The following RIMKLB variants were observed in gnomAD, a reference collection of about 807,000 sequenced individuals.
The protein encoded by RIMKLB is beta-citrylglutamate synthase B.
A neutral mutation model predicts 32.0 loss-of-function variants in RIMKLB; 7 were observed. The ratio of observed to expected loss-of-function variants is 0.22; its 90% CI spans 0.12 to 0.41. The LOEUF (loss-of-function observed/expected upper bound fraction) is 0.41. Among genes scored for constraint, RIMKLB ranks in the 10% least tolerant of loss-of-function variants. RIMKLB has a pLI of 1.00. For synonymous variants in RIMKLB, 172 were observed against 185.1 expected, an observed-to-expected ratio of 0.93 and a Z score of 0.57; for missense variants, 289 against 498.7, an observed-to-expected ratio of 0.58 and a Z score of 4.00.
intron 2 of RIMKLB, among the ~76,000 whole-genome samples, chr12:8,738,418 A>C (rs960261664): frequency 1.3e-5 from 2 of 152,194 alleles, no homozygotes; most frequent in African/African-American, 4.8e-5. Context: ...TTCTTCATAA[A>C]AAGTTGATGT....
chr12:8,741,768 A>G (rs1356356508), intron 2 of RIMKLB, among the ~76,000 whole-genome samples: 1 of 151,890 alleles, frequency 6.6e-6, no homozygotes, highest in East Asian at 1.9e-4. Flanking sequence ...CGACAGAGCA[A>G]GACCAAAACT....
chr12:8,678,291 CA>C (rs1264995401), upstream of RIMKLB, among the ~76,000 whole-genome samples: 3 of 151,770 alleles, frequency 2.0e-5, no homozygotes, highest in Non-Finnish European at 4.4e-5. Flanking sequence ...GCTAGGATTA[CA>C]AGTGTGAGCC....
At chr12:8,683,225 T>C (rs1942466612) in intron 1 of RIMKLB, among the ~76,000 whole-genome samples, 1 of 152,230 alleles carries the variant, frequency 6.6e-6, no homozygotes, top group Non-Finnish European at 1.5e-5. Context: ...TAAACATTCA[T>C]GTGCAGGTTT....
At chr12:8,746,235 G>A (rs1948075406) in intron 2 of RIMKLB, among the ~76,000 whole-genome samples, 1 of 151,128 alleles carries the variant, frequency 6.6e-6, no homozygotes, top group African/African-American at 2.5e-5. Flanking sequence ...CCTCAAACTG[G>A]CGCCGAGGTT....
chr12:8,744,394 A>G (rs1947881137), intron 2 of RIMKLB, among the ~76,000 whole-genome samples: 1 of 151,886 alleles, frequency 6.6e-6, no homozygotes, highest in South Asian at 2.1e-4. Context: ...GGCTGTTTAT[A>G]CTGGAGAGTG....
chr12:8,775,312 T>G lies in RIMKLB; in HGVS notation c.*1528T>G, dbSNP rs1246713476. ...TAAGCCTTCAATACTGTCCACTCTT[T>G]ATATTCCTTTACTTGCAGAATTTAT... On this transcript the variant is annotated 3_prime_UTR_variant, in exon 6 of 6. Transcript: ENST00000535829. 1 of 985,340 alleles carries G rather than the reference T, an allele frequency of 1.0e-6. No homozygotes were observed. Among genetic ancestry groups the G allele is most frequent in the Non-Finnish European group, 1.2e-6 (1 of 829,892 alleles). The allele number at this position is 985,340 out of a possible 1,614,324, so 61.0% of individuals were successfully genotyped here.
chr12:8,710,998 C>T (rs912790231), intron 1 of RIMKLB, among the ~76,000 whole-genome samples: 3 of 151,084 alleles, frequency 2.0e-5, no homozygotes, highest in Admixed American at 1.3e-4. Flanking sequence ...AATTAGAGAC[C>T]GGGCCTGTTG....
rs561802606 is a variant in RIMKLB, at chr12:8,757,053, A to G, written c.697+2960A>G. On this transcript the variant is annotated intron_variant, in intron 5 of 5. Transcript: ENST00000535829. ...TCTTCATGTCTCATTTTAATTTTTCATTATAACACGTCCTGCTGACTAGCT... is the reference window on the plus strand; with the variant it reads ...TCTTCATGTCTCATTTTAATTTTTCGTTATAACACGTCCTGCTGACTAGCT... 1.1e-3 allele frequency among the ~76,000 whole-genome samples: 168 copies of G among 152,206 alleles called. 1 individual carries two copies. The highest frequency in any genetic ancestry group is 1.8e-3 in the Admixed American group (27 of 15,286).
chr12:8,776,940 C>T lies in RIMKLB; in HGVS notation c.*3156C>T, dbSNP rs1457411834. The T allele has an allele frequency of 2.0e-6, 2 of 985,780 alleles. No homozygotes were observed. The highest frequency in any genetic ancestry group is 2.4e-6 in the Non-Finnish European group (2 of 829,886). The allele number at this position is 985,780 out of a possible 1,614,324, so 61.1% of individuals were successfully genotyped here. A position where few individuals can be genotyped will look rare whatever the true frequency, so the allele number is the denominator to read the frequency against. ...CATTCAGTGAATCCCCAGTTTGGGG[C>T]TTGTGGGGCTTAGAGACATTGTGAA... On this transcript the variant is annotated 3_prime_UTR_variant, in exon 6 of 6. Coordinates refer to ENST00000535829, the MANE Select transcript of RIMKLB (RefSeq NM_001297776.2).
chr12:8,677,836 TCCACCTCCTGGGCTCAGGTGATCCTC>T (rs1039444756), upstream of RIMKLB, among the ~76,000 whole-genome samples: 15 of 150,958 alleles, frequency 9.9e-5, no homozygotes, highest in Non-Finnish European at 2.1e-4. Flanking sequence ...CACTGGAACC[TCCACCTCCTGGGCTCAGGTGATCCTC>T]CCACCTCAGC....
chr12:8,676,796 A>C (rs1942345718), upstream of RIMKLB, among the ~76,000 whole-genome samples: 1 of 152,056 alleles, frequency 6.6e-6, no homozygotes, highest in Non-Finnish European at 1.5e-5. Flanking sequence ...TCCCATAGGC[A>C]CCTTGAGTCA....
chr12:8,672,912 T>C, the RIMKLB span, among the ~76,000 whole-genome samples: 1 of 152,308 alleles, frequency 6.6e-6, no homozygotes, highest in South Asian at 2.1e-4. Flanking sequence ...CTCTTTTGTC[T>C]ATAAATTACC....
At chr12:8,678,678 T>A (rs1591584763), upstream of RIMKLB, 1 of 152,258 alleles carries the variant, frequency 6.6e-6, no homozygotes, top group Non-Finnish European at 1.5e-5. Context: ...TTTGAAAGAA[T>A]GCTCTGCAGA....
At chr12:8,773,300 C>T in intron 5 of RIMKLB, 21 bp from the exon 6 acceptor site, 1 of 1,526,476 alleles carries the variant, frequency 6.6e-7, no homozygotes, top group Non-Finnish European at 9.0e-7. Flanking sequence ...TGTTAATTTC[C>T]TGTCTTGTTT....
chr12:8,675,260 T>G, the RIMKLB span, among the ~76,000 whole-genome samples: 3 of 152,238 alleles, frequency 2.0e-5, no homozygotes, highest in Non-Finnish European at 4.4e-5. Flanking sequence ...TCTGAAACAT[T>G]AGTCATTGCT....
chr12:8,696,489 C>T (rs908293023), upstream of RIMKLB, among the ~76,000 whole-genome samples: 6 of 152,230 alleles, frequency 3.9e-5, no homozygotes, highest in African/African-American at 1.4e-4. Context: ...TTGAACAGCA[C>T]TTGATCTGTG....
chr12:8,767,802 C>T (rs1442776360), intron 5 of RIMKLB, among the ~76,000 whole-genome samples: 2 of 152,210 alleles, frequency 1.3e-5, no homozygotes, highest in Non-Finnish European at 2.9e-5. Flanking sequence ...CAGACAACCT[C>T]ACACCTGAGT....
downstream of RIMKLB, chr12:8,777,823 T>G (rs148464491): frequency 4.9e-5 from 23 of 471,040 alleles, no homozygotes; most frequent in Middle Eastern, 3.9e-4. Flanking sequence ...TCTTTCTCCT[T>G]TCTTTCCATC....
the RIMKLB span, among the ~76,000 whole-genome samples, chr12:8,671,691 T>A: frequency 6.6e-6 from 1 of 152,052 alleles, no homozygotes; most frequent in African/African-American, 2.4e-5. Flanking sequence ...GGTGGGTGGA[T>A]CACGAGGTCA....
Sources: gnomAD v4.1 joint callset for allele counts (sites outside exome capture counted in the v4.1 genomes callset) on GRCh38, gnomAD v4.1.1 for gene constraint, MANE v1.5 for transcripts, NCBI Gene and HGNC (gene_info 2026-07-23, HGNC 2026-07-21) for gene names.